The following TTC3 variants were observed in gnomAD, a reference collection of about 807,000 sequenced individuals.
The protein encoded by TTC3 is E3 ubiquitin-protein ligase TTC3.
Under a neutral mutation model 249.6 loss-of-function variants are expected in TTC3, and 180 were observed. The observed-to-expected ratio is 0.72, with a 90% CI of 0.64 to 0.82. The LOEUF (loss-of-function observed/expected upper bound fraction) is 0.82. Among genes scored for constraint, TTC3 ranks in the 40% least tolerant of loss-of-function variants. The probability of loss-of-function intolerance (pLI) is 0.00; values close to 1 mark genes in which losing one functional copy is unlikely to be tolerated. For synonymous variants in TTC3, 717 were observed against 805.0 expected, an observed-to-expected ratio of 0.89 and a Z score of 1.85; for missense variants, 2,061 against 2,398.4, an observed-to-expected ratio of 0.86 and a Z score of 2.94.
rs530421680 is a variant in TTC3, at chr21:37,090,162, A to AT, written c.427-66dup. ...TAGTAGTGTTCCTAAAATGTAGGCC[A>AT]TTTTTCCGTTAGAAAATTCAAGTAG... On this transcript the variant is annotated intron_variant, in intron 5 of 45. Transcript: ENST00000355666. 1.0e-4 allele frequency: 123 copies of AT among 1,228,818 alleles called. No homozygotes were observed. The South Asian group carries it at 1.5e-3, about 15-fold the overall frequency. 76.1% of individuals were successfully genotyped at this position (1,228,818 alleles called of 1,614,324 possible).
intron 35 of TTC3, among the ~76,000 whole-genome samples, chr21:37,173,340 A>G (rs1252837642): frequency 6.6e-6 from 1 of 152,234 alleles, no homozygotes; most frequent in Non-Finnish European, 1.5e-5. Flanking sequence ...CTAAGGAAGT[A>G]TAAGAATAAC....
At chr21:37,194,804 A>G (rs1006920346) in intron 41 of TTC3, 3 of 152,164 alleles carry the variant, frequency 2.0e-5, no homozygotes, top group African/African-American at 7.2e-5. Context: ...CTTTTTGAAG[A>G]TGAGCTTGCC....
intron 35 of TTC3, among the ~76,000 whole-genome samples, chr21:37,177,016 G>T (rs945556098): frequency 2.0e-5 from 3 of 152,180 alleles, no homozygotes; most frequent in Non-Finnish European, 2.9e-5. Flanking sequence ...ATCGCTAAGC[G>T]TAGAAGTCTG....
chr21:37,075,968 A>G (rs1226743611), intron 1 of TTC3, among the ~76,000 whole-genome samples: 1 of 152,228 alleles, frequency 6.6e-6, no homozygotes, highest in Non-Finnish European at 1.5e-5. Flanking sequence ...TGTAAAACAT[A>G]TGCAAGCTGT....
intron 10 of TTC3, among the ~76,000 whole-genome samples, chr21:37,104,821 C>T (rs2074917656): frequency 6.6e-6 from 1 of 152,172 alleles, no homozygotes; most frequent in Non-Finnish European, 1.5e-5. Flanking sequence ...ACAAATACCA[C>T]CCACCCCAGA....
At chr21:37,104,472 C>T (rs1193520373) in intron 10 of TTC3, among the ~76,000 whole-genome samples, 1 of 151,718 alleles carries the variant, frequency 6.6e-6, no homozygotes, top group Non-Finnish European at 1.5e-5. Flanking sequence ...TGCTTCTAAT[C>T]TCAGTTACTC....
intron 10 of TTC3, among the ~76,000 whole-genome samples, chr21:37,097,471 G>C (rs993454018): frequency 2.6e-5 from 4 of 152,132 alleles, no homozygotes; most frequent in Non-Finnish European, 4.4e-5. Context: ...TCAGAACCAA[G>C]CTACATAGGC....
chr21:37,161,401 G>A (rs371611518), intron 30 of TTC3, among the ~76,000 whole-genome samples: 1 of 152,100 alleles, frequency 6.6e-6, no homozygotes, highest in Non-Finnish European at 1.5e-5. Flanking sequence ...TCAGCCTCCC[G>A]AGTAGCCGGA....
chr21:37,162,278 G>A (rs776177351), intron 31 of TTC3, among the ~76,000 whole-genome samples: 2 of 152,174 alleles, frequency 1.3e-5, no homozygotes, highest in African/African-American at 4.8e-5. Flanking sequence ...TTAAAGTCAC[G>A]ACACTGGTGA....
chr21:37,136,691 G>GT (rs1483382572), intron 18 of TTC3, among the ~76,000 whole-genome samples: 2 of 152,230 alleles, frequency 1.3e-5, no homozygotes, highest in Admixed American at 1.3e-4. Context: ...AGAAGCTGCA[G>GT]TAAGTTATCG....
chr21:37,134,354 A>G lies in TTC3; in HGVS notation c.1444-1026A>G, dbSNP rs139429021. Among the ~76,000 whole-genome samples, 204 of 152,044 alleles carry G rather than the reference A, an allele frequency of 1.3e-3. 2 individuals carry two copies. Among genetic ancestry groups the G allele is most frequent in the African/African-American group, 4.5e-3 (188 of 41,478 alleles). On this transcript the variant is annotated intron_variant, in intron 17 of 45. Coordinates refer to ENST00000355666, the Ensembl canonical transcript of TTC3. ...TAGTCCTAGCTACCCAGGAGGCTGA[A>G]GCAGGAGAATCGCTTGAACCCCGAG...
intron 10 of TTC3, among the ~76,000 whole-genome samples, chr21:37,107,227 C>T (rs955538073): frequency 4.6e-5 from 7 of 151,960 alleles, no homozygotes; most frequent in East Asian, 3.9e-4. Context: ...TATTAATCTA[C>T]GTTGAAAAAA....
exon 3 of TTC3, chr21:37,087,869 A>C (rs1350686217): frequency 6.3e-7 from 1 of 1,597,944 alleles, no homozygotes; most frequent in Non-Finnish European, 8.5e-7. Flanking sequence ...AAGTGAGAGG[A>C]ATTTGGGTGA....
At chr21:37,106,176 G>T (rs1228235372) in intron 10 of TTC3, among the ~76,000 whole-genome samples, 1 of 152,192 alleles carries the variant, frequency 6.6e-6, no homozygotes, top group African/African-American at 2.4e-5. Context: ...GGATGTTTCA[G>T]ATTTTCATAA....
chr21:37,148,267 G>A (rs558719935), intron 22 of TTC3, among the ~76,000 whole-genome samples: 1 of 152,298 alleles, frequency 6.6e-6, no homozygotes, highest in South Asian at 2.1e-4. Flanking sequence ...TTAGCTGTTA[G>A]AGACCTAAAT....
At chr21:37,106,645 G>A (rs2075104794) in intron 10 of TTC3, among the ~76,000 whole-genome samples, 1 of 152,202 alleles carries the variant, frequency 6.6e-6, no homozygotes, top group South Asian at 2.1e-4. Flanking sequence ...AGCACTTTGG[G>A]AGGACAAGGC....
intron 32 of TTC3, 74 bp downstream of exon 32, chr21:37,164,289 T>C: frequency 7.4e-7 from 1 of 1,350,686 alleles, no homozygotes; most frequent in Non-Finnish European, 9.8e-7. Context: ...GTTGTTTAAT[T>C]TGTGCCTGTT....
chr21:37,146,307 T>C (rs2078975939), intron 21 of TTC3, among the ~76,000 whole-genome samples: 2 of 152,028 alleles, frequency 1.3e-5, no homozygotes, highest in Non-Finnish European at 2.9e-5. Flanking sequence ...GGCAGGAGGA[T>C]TGCTTGAGCT....
rs530011595 is a variant in TTC3, at chr21:37,147,564, T to C, written c.1977T>C (p.Tyr659=). Residue 659 remains tyrosine, a synonymous_variant, in exon 22 of 46, where the codon TAT becomes TAC. Transcript: ENST00000355666. Reference sequence around the variant, plus strand: ...GTTGCTATCAGAAGTGCCATGGATATTCTAAGATCCAGATATACATAACTG... The same window carrying C: ...GTTGCTATCAGAAGTGCCATGGATACTCTAAGATCCAGATATACATAACTG... 12 of 1,611,852 alleles carry C rather than the reference T, an allele frequency of 7.4e-6. No homozygotes were observed. In the Admixed American group the frequency reaches 8.4e-5, roughly 11 times the overall value.
Sources: allele counts gnomAD v4.1 joint callset (sites outside exome capture counted in the v4.1 genomes callset), GRCh38; gene constraint gnomAD v4.1.1; transcripts MANE v1.5; gene names NCBI Gene and HGNC (gene_info 2026-07-23, HGNC 2026-07-21).